The following GZF1 variants were observed in gnomAD, a reference collection of about 807,000 sequenced individuals.
GZF1 encodes GDNF inducible zinc finger protein 1.
In GZF1, 28 loss-of-function variants were observed where a neutral mutation model predicts 49.4. That is an observed-to-expected ratio of 0.57 (90% confidence interval 0.42 to 0.78). GZF1 has a LOEUF of 0.78. Ranked by LOEUF, GZF1 falls within the 30% of genes least tolerant of loss-of-function variation. The pLI is 0.00. For synonymous variants in GZF1, 364 were observed against 356.0 expected (o/e 1.02, Z -0.25); for missense variants, 798 against 916.2 (o/e 0.87, Z 1.67).
At chr20:23,369,979 G>T (rs1284233197) in intron 5 of GZF1, 112 bp from the exon 6 acceptor site, 1 of 988,468 alleles carries the variant, frequency 1.0e-6, no homozygotes, top group South Asian at 1.4e-5. Context: ...GGTGGCAGGC[G>T]GGTACTTATT....
Position 23,364,773 on chromosome 20 carries a change from A to G in GZF1, c.390A>G (p.Lys130=). 6.2e-7 allele frequency: 1 copy of G among 1,614,288 alleles called. No homozygotes were observed. Among genetic ancestry groups the G allele is most frequent in the Non-Finnish European group, 8.5e-7 (1 of 1,180,050 alleles). ...DLSETCFQLK[K]QMLESVLLEL... Reference sequence around the variant, plus strand: ...CAGAAACTTGTTTTCAATTAAAGAAACAGATGTTAGAGTCAGTACTTTTGG... The same window carrying G: ...CAGAAACTTGTTTTCAATTAAAGAAGCAGATGTTAGAGTCAGTACTTTTGG... The change falls in exon 2 of 6, where the codon AAA becomes AAG. Residue 130 remains lysine (K), a synonymous_variant. Transcript: ENST00000338121.
At position 23,365,147 on chromosome 20, in the gene GZF1, TG is replaced by T; in HGVS notation, c.769del (p.Asp257ThrfsTer77). 1 of 1,613,870 alleles carries T rather than the reference TG, an allele frequency of 6.2e-7. No individual in the cohort carries two copies. The highest frequency in any genetic ancestry group is 8.5e-7 in the Non-Finnish European group (1 of 1,179,986). On this transcript the variant is annotated frameshift_variant, in exon 2 of 6. Coordinates refer to ENST00000338121, the MANE Select transcript of GZF1 (RefSeq NM_022482.5). LOFTEE classifies it high-confidence loss of function. ...CAGCAGAAAACTGCTGAGGGTGATG[TG>T]GGGGACTACAGGTGTCCCCAGGACC... ...REQQKTAEGD[V>X]GDYRCPQDQS...
chr20:23,367,042 T>TG lies in GZF1; in HGVS notation c.1406dup (p.Ala470CysfsTer13). The TG allele has an allele frequency of 6.2e-7, 1 of 1,613,390 alleles. No individual in the cohort carries two copies. Among genetic ancestry groups the TG allele is most frequent in the Non-Finnish European group, 8.5e-7 (1 of 1,179,710 alleles). ...AAAAACCTTTTGTCTGTGATGAATG[T>TG]GGTGCAAGATTCACTCAGAACCACA... On this transcript the variant is annotated frameshift_variant, in exon 3 of 6. Coordinates refer to ENST00000338121, the MANE Select transcript of GZF1 (RefSeq NM_022482.5). LOFTEE classifies it high-confidence loss of function.
rs944022015 is a variant in GZF1, at chr20:23,369,839, G to A, written c.1785+98G>A. 10 of 1,300,900 alleles carry A rather than the reference G, an allele frequency of 7.7e-6. No individual in the cohort carries two copies. In the African/African-American group the frequency reaches 8.9e-5, roughly 12 times the overall value. 80.6% of individuals were successfully genotyped at this position (1,300,900 alleles called of 1,614,324 possible). On this transcript the variant is annotated intron_variant, in intron 5 of 5. Coordinates refer to ENST00000338121, the MANE Select transcript of GZF1 (RefSeq NM_022482.5). The stretch of plus-strand genomic sequence containing the variant: ...CCATTCTCCAAGGTGGTTAGAGGTC[G>A]AGACAACAGGTACTTTCTCCTTGGG...
rs779284539 is a variant in GZF1 at position 23,365,115 on chromosome 20, C to A, written c.732C>A (p.Leu244=). The change falls in exon 2 of 6, where the codon CTC becomes CTA. Residue 244 remains leucine, a synonymous_variant. Transcript: ENST00000338121. ...EIPKKKYTRR[L]REQQKTAEGD... ...CTAAAAAGAAATATACGAGAAGACT[C>A]CGAGAGCAGCAGAAAACTGCTGAGG... The A allele has an allele frequency of 6.2e-7, 1 of 1,613,984 alleles. No individual in the cohort carries two copies. The highest frequency in any genetic ancestry group is 8.5e-7 in the Non-Finnish European group (1 of 1,180,034).
chr20:23,367,195 G>A (rs964731246), intron 3 of GZF1, 98 bp downstream of exon 3: 8 of 814,336 alleles, frequency 9.8e-6, no homozygotes, highest in African/African-American at 1.7e-5. Flanking sequence ...GGTGGTGCAG[G>A]TTAAAGCCAT....
At chr20:23,363,134 T>C (rs573376464) in intron 1 of GZF1, 1 of 152,174 alleles carries the variant, frequency 6.6e-6, no homozygotes, top group East Asian at 1.9e-4. Context: ...CTGCTAGTTG[T>C]GGGGAGCGGT....
chr20:23,371,803 A>G lies in GZF1; in HGVS notation c.*1362A>G, dbSNP rs1372396593. 1 of 152,202 alleles carries G rather than the reference A, an allele frequency of 6.6e-6. No homozygotes were observed. Among genetic ancestry groups the G allele is most frequent in the East Asian group, 1.9e-4 (1 of 5,196 alleles). 9.4% of individuals were successfully genotyped at this position (152,202 alleles called of 1,614,324 possible). A position where few individuals can be genotyped will look rare whatever the true frequency, so the allele number is the denominator to read the frequency against. On this transcript the variant is annotated 3_prime_UTR_variant, in exon 6 of 6. Coordinates refer to ENST00000338121, the MANE Select transcript of GZF1 (RefSeq NM_022482.5). Reference sequence around the variant, plus strand: ...TTAATTTATTAAACTTGCTGTGAAAACACTTTGATTTTCTAAGAGGAAGGT... The same window carrying G: ...TTAATTTATTAAACTTGCTGTGAAAGCACTTTGATTTTCTAAGAGGAAGGT...
intron 4 of GZF1, among the ~76,000 whole-genome samples, chr20:23,369,354 C>T (rs957717940): frequency 5.9e-5 from 9 of 152,164 alleles, no homozygotes; most frequent in Non-Finnish European, 1.2e-4. Flanking sequence ...AGTTATAATA[C>T]CTGCTGCAGG....
In GZF1 at chr20:23,369,947, A is replaced by C; in HGVS notation, c.1786-144A>C. On this transcript the variant is annotated intron_variant, in intron 5 of 5. Coordinates refer to ENST00000338121, the MANE Select transcript of GZF1 (RefSeq NM_022482.5). ...CCCAGGGAAAGCACCATCCACGATG[A>C]CTACTCTGTAACAGTGAGGGTGGTG... The C allele has an allele frequency of 3.4e-6, 3 of 875,100 alleles. No individual in the cohort carries two copies. The South Asian group carries it at 4.8e-5, about 14-fold the overall frequency. 54.2% of individuals were successfully genotyped at this position (875,100 alleles called of 1,614,324 possible). A position where few individuals can be genotyped will look rare whatever the true frequency, so the allele number is the denominator to read the frequency against.
Position 23,370,577 on chromosome 20 carries a change from T to C in GZF1, c.*136T>C. ...GCCTCTGCAGATTTTCCTGAACTTC[T>C]GCTAACTTGCACGGCTTTATCACAG... On this transcript the variant is annotated 3_prime_UTR_variant, in exon 6 of 6. Coordinates refer to ENST00000338121, the MANE Select transcript of GZF1 (RefSeq NM_022482.5). The C allele has an allele frequency of 1.5e-6, 1 of 654,468 alleles. No homozygotes were observed. Among genetic ancestry groups the C allele is most frequent in the East Asian group, 2.7e-5 (1 of 36,630 alleles). The allele number at this position is 654,468 out of a possible 1,614,324, so 40.5% of individuals were successfully genotyped here.
At chr20:23,362,529 G>A (rs1388112140) in intron 1 of GZF1, 1 of 153,990 alleles carries the variant, frequency 6.5e-6, no homozygotes, top group Non-Finnish European at 1.4e-5. Flanking sequence ...GGAAGGGTGG[G>A]AGGTGCCGTG....
rs922846838 is a variant in GZF1 at position 23,371,154 on chromosome 20, A to T, written c.*713A>T. On this transcript the variant is annotated 3_prime_UTR_variant, in exon 6 of 6. Transcript: ENST00000338121. ...ACTTAGAAATGAGATGAGGCTGTTC[A>T]GTTTGTCTTAAAAAAATCAGATTAG... 2.0e-5 allele frequency: 3 copies of T among 152,650 alleles called. No individual in the cohort carries two copies. The highest frequency in any genetic ancestry group is 2.9e-5 in the Non-Finnish European group (2 of 68,046). The allele number at this position is 152,650 out of a possible 1,614,324, so 9.5% of individuals were successfully genotyped here.
At chr20:23,362,051 C>T (rs990495276), upstream of GZF1, 1 of 152,342 alleles carries the variant, frequency 6.6e-6, no homozygotes, top group East Asian at 1.9e-4. Flanking sequence ...ACCGCTCCGC[C>T]GCCCGACGTG....
At chr20:23,363,066 C>T (rs1270951137) in intron 1 of GZF1, among the ~76,000 whole-genome samples, 1 of 152,190 alleles carries the variant, frequency 6.6e-6, no homozygotes, top group African/African-American at 2.4e-5. Flanking sequence ...GATCAAGCCT[C>T]ATAGGTACCT....
upstream of GZF1, among the ~76,000 whole-genome samples, chr20:23,361,530 C>A (rs777961192): frequency 3.9e-5 from 6 of 152,210 alleles, no homozygotes; most frequent in Non-Finnish European, 8.8e-5. Flanking sequence ...GGTCCCGGCT[C>A]CTGGCGCGCC....
At chr20:23,366,580 GAAA>G (rs1981423699) in intron 2 of GZF1, among the ~76,000 whole-genome samples, 1 of 152,168 alleles carries the variant, frequency 6.6e-6, no homozygotes, top group Admixed American at 6.5e-5. Flanking sequence ...GTCATATTAG[GAAA>G]TGAGAGTAAC....
upstream of GZF1, among the ~76,000 whole-genome samples, chr20:23,361,913 C>T (rs1006895311): frequency 1.3e-5 from 2 of 152,220 alleles, no homozygotes; most frequent in African/African-American, 4.8e-5. Flanking sequence ...CTGTGGCGTG[C>T]CGCAGCGCAG....
chr20:23,364,635 T>G lies in GZF1; in HGVS notation c.252T>G (p.Val84=), dbSNP rs1337221293. ...RTNVYLNEVQ[V]ADFASFLEFV... is the part of the protein sequence containing the mutation. ...ATGTCTACTTAAATGAAGTGCAGGT[T>G]GCTGACTTTGCTTCATTTCTTGAGT... Residue 84 remains valine (V), a synonymous_variant, in exon 2 of 6, where the codon GTT becomes GTG. Transcript: ENST00000338121. The G allele has an allele frequency of 6.2e-7, 1 of 1,614,150 alleles. No individual in the cohort carries two copies. The highest frequency in any genetic ancestry group is 8.5e-7 in the Non-Finnish European group (1 of 1,180,050).
Sources: allele counts gnomAD v4.1 joint callset (sites outside exome capture counted in the v4.1 genomes callset), GRCh38; gene constraint gnomAD v4.1.1; transcripts MANE v1.5; gene names NCBI Gene and HGNC (gene_info 2026-07-23, HGNC 2026-07-21).